The following TMEM63A variants were observed in gnomAD, a reference collection of about 807,000 sequenced individuals.
TMEM63A encodes mechanosensitive cation channel TMEM63A.
In TMEM63A, 76 loss-of-function variants were observed where a neutral mutation model predicts 100.6. That is an observed-to-expected ratio of 0.76 (90% CI 0.63 to 0.91). TMEM63A has a LOEUF of 0.91. TMEM63A is among the 40% of genes least tolerant of loss of function. The pLI, the probability that TMEM63A is intolerant of heterozygous loss-of-function variation, is 0.00. For synonymous variants in TMEM63A, 401 were observed against 401.1 expected (o/e 1.00, Z 0.00); for missense variants, 876 against 1,008.8 (o/e 0.87, Z 1.78).
chr1:225,848,453 A>C, intron 23 of TMEM63A, 39 bp downstream of exon 23: 1 of 1,610,358 alleles, frequency 6.2e-7, no homozygotes, highest in Non-Finnish European at 8.5e-7. Flanking sequence ...AAAGCAAAAA[A>C]AAGGGCGACA....
chr1:225,866,382 G>T, intron 9 of TMEM63A, 192 bp downstream of exon 9: 3 of 580,158 alleles, frequency 5.2e-6, no homozygotes, highest in Non-Finnish European at 9.2e-6. Flanking sequence ...TCCAAATCTT[G>T]AAACAATCCA....
rs1001790242 is a variant in TMEM63A, at chr1:225,845,959, T to C, written c.*980A>G. ...ATCCCGCCCCTACTGCACAGGCTTG[T>C]GCCTTGGTGCCCCCTGGAGGCAGCA... On this transcript the variant is annotated 3_prime_UTR_variant, in exon 25 of 25. Coordinates refer to ENST00000366835, the MANE Select transcript of TMEM63A (RefSeq NM_014698.3). 3.8e-5 allele frequency: 6 copies of C among 159,602 alleles called. No individual in the cohort carries two copies. Among genetic ancestry groups the C allele is most frequent in the Admixed American group, 3.0e-4 (5 of 16,892 alleles). The allele number at this position is 159,602 out of a possible 1,614,324, so 9.9% of individuals were successfully genotyped here.
chr1:225,841,483 C>T (rs140963338), downstream of TMEM63A, among the ~76,000 whole-genome samples: 1,360 of 151,752 alleles, frequency 9.0e-3, 24 homozygotes, highest in African/African-American at 0.031. Context: ...GGGGTTTTAC[C>T]ATGTTGGCCA....
rs760946418 is a variant in TMEM63A at position 225,856,735 on chromosome 1, C to T, written c.1488G>A (p.Ser496=). 6.8e-6 allele frequency: 11 copies of T among 1,613,352 alleles called. No homozygotes were observed. The highest frequency in any genetic ancestry group is 4.5e-5 in the East Asian group (2 of 44,856). The part of the protein sequence containing the change: ...STLLESHWTK[S]GENQIMMTKV... ...TGGTCATCATGATCTGGTTTTCCCC[C>T]GACCTGCAGGAAGTCAAAGGTGAGC... Residue 496 remains serine (S), a synonymous_variant, in exon 17 of 25, where the codon TCG becomes TCA. Coordinates refer to ENST00000366835, the MANE Select transcript of TMEM63A (RefSeq NM_014698.3).
At chr1:225,873,472 C>T (rs1028560777) in intron 4 of TMEM63A, among the ~76,000 whole-genome samples, 15 of 152,110 alleles carry the variant, frequency 9.9e-5, no homozygotes, top group Non-Finnish European at 1.6e-4. Context: ...CAGAGCCCCT[C>T]TGGGGCTCTG....
At chr1:225,856,521 A>G in intron 17 of TMEM63A, 131 bp downstream of exon 17, 1 of 805,360 alleles carries the variant, frequency 1.2e-6, no homozygotes, top group East Asian at 2.8e-5. Flanking sequence ...CTGCACGCCG[A>G]GTGGTTGCGA....
chr1:225,860,739 A>G, intron 14 of TMEM63A, 121 bp downstream of exon 14: 2 of 1,284,264 alleles, frequency 1.6e-6, no homozygotes, highest in Non-Finnish European at 2.1e-6. Context: ...CACAGCCCAC[A>G]GAATTGCAGA....
At chr1:225,868,700 A>C (rs1265303398) in intron 6 of TMEM63A, among the ~76,000 whole-genome samples, 1 of 151,712 alleles carries the variant, frequency 6.6e-6, no homozygotes, top group African/African-American at 2.4e-5. Context: ...AAAGAAAAAA[A>C]AAAAAAGAAT....
In TMEM63A at chr1:225,849,931, G is replaced by A. The variant is rs1269268596; in HGVS notation, c.2052C>T (p.Phe684=). 1.9e-6 allele frequency: 3 copies of A among 1,614,128 alleles called. No individual in the cohort carries two copies. Among genetic ancestry groups the A allele is most frequent in the Non-Finnish European group, 2.5e-6 (3 of 1,180,028 alleles). Residue 684 remains phenylalanine (F), a synonymous_variant, in exon 21 of 25, where the codon TTC becomes TTT. Coordinates refer to ENST00000366835, the MANE Select transcript of TMEM63A (RefSeq NM_014698.3). ...GCTCACCCAGGCGCAGGAAGGAAAAGAAGTAGAGCCAGAAGAGGCACAGGA... is the reference window on the plus strand; with the variant it reads ...GCTCACCCAGGCGCAGGAAGGAAAAAAAGTAGAGCCAGAAGAGGCACAGGA... ...APILCLFWLY[F]FSFLRLGMKA...
chr1:225,849,288 T>C (rs573748264), intron 21 of TMEM63A, among the ~76,000 whole-genome samples: 2 of 152,146 alleles, frequency 1.3e-5, no homozygotes, highest in East Asian at 1.9e-4. Flanking sequence ...CAATGGCAAT[T>C]CTTCAGCCTC....
At chr1:225,850,376 G>A (rs1249470509) in intron 20 of TMEM63A, among the ~76,000 whole-genome samples, 1 of 152,088 alleles carries the variant, frequency 6.6e-6, no homozygotes, top group Non-Finnish European at 1.5e-5. Flanking sequence ...GGAAAGCCGA[G>A]AGGTTTGCAT....
intron 6 of TMEM63A, among the ~76,000 whole-genome samples, chr1:225,868,682 A>G (rs1247256704): frequency 6.6e-6 from 1 of 151,082 alleles, no homozygotes. Context: ...GTGAGACTCC[A>G]TCTCAAAAAA....
At chr1:225,859,648 TG>T in intron 14 of TMEM63A, 1 of 343,950 alleles carries the variant, frequency 2.9e-6, no homozygotes, top group Non-Finnish European at 5.3e-6. Context: ...TTTCTTTTTC[TG>T]TTTTTTTTTT....
Position 225,862,025 on chromosome 1 carries a change from C to G in TMEM63A, c.1085+193G>C. ...TCCGTGGCTGCTGCCCACACCCCCA[C>G]CGCCTGTTACACAAACATGGGCTGG... On this transcript the variant is annotated intron_variant, in intron 13 of 24. Transcript: ENST00000366835. This position sits in a 1 kb window ranked among gnomAD's most constrained non-coding sequence, Gnocchi z 5.1. The G allele has an allele frequency of 1.2e-6, 1 of 867,450 alleles. No individual in the cohort carries two copies. Among genetic ancestry groups the G allele is most frequent in the Non-Finnish European group, 1.7e-6 (1 of 578,730 alleles). 53.7% of individuals were successfully genotyped at this position (867,450 alleles called of 1,614,324 possible).
At position 225,867,198 on chromosome 1, in the gene TMEM63A, A is replaced by T; in HGVS notation, c.515-35T>A. 1 of 1,612,396 alleles carries T rather than the reference A, an allele frequency of 6.2e-7. No individual in the cohort carries two copies. Among genetic ancestry groups the T allele is most frequent in the South Asian group, 1.1e-5 (1 of 91,050 alleles). ...AGCACAGATACTTAGTTCCAGGGTC[A>T]TGTGGGGAAGCAGGAGGGGGCGTAA... On this transcript the variant is annotated intron_variant, in intron 7 of 24. Coordinates refer to ENST00000366835, the MANE Select transcript of TMEM63A (RefSeq NM_014698.3). This position sits in a 1 kb window ranked among gnomAD's most constrained non-coding sequence, Gnocchi z 4.6.
At chr1:225,872,580 T>C (rs1670562967) in intron 4 of TMEM63A, among the ~76,000 whole-genome samples, 2 of 152,156 alleles carry the variant, frequency 1.3e-5, no homozygotes, top group Admixed American at 1.3e-4. Flanking sequence ...GATGGCACTT[T>C]ATATTGTGGC....
At position 225,859,551 on chromosome 1, in the gene TMEM63A, A is replaced by G. The variant is rs1576085670; in HGVS notation, c.1224-202T>C. On this transcript the variant is annotated intron_variant, in intron 14 of 24. Coordinates refer to ENST00000366835, the MANE Select transcript of TMEM63A (RefSeq NM_014698.3). ...ATTATTCTCTCAGATGTGGCTCCCC[A>G]GCTAAAGTCTGGGGGCCAGAACCTA... 4.7e-6 allele frequency: 3 copies of G among 643,166 alleles called. No individual in the cohort carries two copies. In the East Asian group the frequency reaches 8.9e-5, roughly 19 times the overall value. 39.8% of individuals were successfully genotyped at this position (643,166 alleles called of 1,614,324 possible).
In TMEM63A at chr1:225,877,495, T is replaced by G; in HGVS notation, c.86A>C (p.Asp29Ala). ...EQLGLGDRPNDSYCYNSAKNS... is the reference protein window; with the variant it reads ...EQLGLGDRPNASYCYNSAKNS... ...TTTGGCCGAGTTGTAGCAATAGGAG[T>G]CGTTGGGCCGGTCCCCGAGTCCCAG... The change falls in exon 3 of 25, where the codon GAC becomes GCC. Residue 29 changes from aspartate to alanine, a missense_variant. Asp to Ala is a moderately radical substitution (Grantham distance 126). Transcript: ENST00000366835. 1 of 1,613,702 alleles carries G rather than the reference T, an allele frequency of 6.2e-7. No homozygotes were observed. Among genetic ancestry groups the G allele is most frequent in the Non-Finnish European group, 8.5e-7 (1 of 1,179,902 alleles).
chr1:225,844,174 G>A (rs1305745547), downstream of TMEM63A, among the ~76,000 whole-genome samples: 1 of 152,150 alleles, frequency 6.6e-6, no homozygotes, highest in Non-Finnish European at 1.5e-5. Flanking sequence ...CACAGTAGCT[G>A]GTGCCCTGAG....
Sources: gnomAD v4.1 joint callset for allele counts (sites outside exome capture counted in the v4.1 genomes callset) on GRCh38, gnomAD v4.1.1 for gene constraint, Gnocchi (gnomAD v3.1) non-coding constraint, MANE v1.5 for transcripts, NCBI Gene and HGNC (gene_info 2026-07-23, HGNC 2026-07-21) for gene names.